Variants in PPARGC1A observed in about 807,000 individuals in gnomAD.
PPARGC1A encodes PPARG coactivator 1 alpha.
Under a neutral mutation model 88.7 loss-of-function variants are expected in PPARGC1A, and 25 were observed. The observed-to-expected ratio is 0.28, with a 90% CI of 0.21 to 0.39. The LOEUF is 0.39. Ranked by LOEUF, PPARGC1A falls within the 10% of genes least tolerant of loss-of-function variation. The probability of loss-of-function intolerance (pLI) is 1.00; values close to 1 mark genes in which losing one functional copy is unlikely to be tolerated. For missense variants in PPARGC1A, 880 were observed against 968.7 expected (o/e 0.91, Z 1.22); for synonymous variants, 363 against 355.6 (o/e 1.02, Z -0.24).
chr4:24,451,971 T>C, the PPARGC1A span, among the ~76,000 whole-genome samples: 1 of 152,196 alleles, frequency 6.6e-6, no homozygotes, highest in African/African-American at 2.4e-5. Context: ...GTGTTTTTTG[T>C]ACGAGATTTA....
the PPARGC1A span, among the ~76,000 whole-genome samples, chr4:23,952,016 AC>A: frequency 0.017 from 2,553 of 152,132 alleles, 67 homozygotes; most frequent in African/African-American, 0.059. Flanking sequence ...TGCGTGGGAC[AC>A]CCTGGCCCAC....
At chr4:24,351,355 C>G in the PPARGC1A span, among the ~76,000 whole-genome samples, 10 of 150,310 alleles carry the variant, frequency 6.7e-5, no homozygotes, top group African/African-American at 2.5e-4. Flanking sequence ...TGTGATCACA[C>G]CACTGTTCCA....
the PPARGC1A span, among the ~76,000 whole-genome samples, chr4:24,307,802 G>A: frequency 1.3e-5 from 2 of 152,130 alleles, no homozygotes; most frequent in Middle Eastern, 3.4e-3. Flanking sequence ...TTCTAGTCCC[G>A]GCTTTTTCCA....
upstream of PPARGC1A, chr4:23,904,007 T>C (rs1719742406): frequency 7.2e-6 from 7 of 968,446 alleles, no homozygotes; most frequent in Non-Finnish European, 1.2e-6. Flanking sequence ...CAAAATTGAA[T>C]CCATAGATGA....
chr4:23,946,587 T>C, the PPARGC1A span, among the ~76,000 whole-genome samples: 1 of 152,012 alleles, frequency 6.6e-6, no homozygotes, highest in South Asian at 2.1e-4. Flanking sequence ...AGTAGAATAA[T>C]ATTAGTAGGA....
At chr4:24,364,718 T>C in the PPARGC1A span, among the ~76,000 whole-genome samples, 3 of 152,208 alleles carry the variant, frequency 2.0e-5, no homozygotes, top group Non-Finnish European at 2.9e-5. Context: ...AATATACATA[T>C]GTATTTGTGT....
At chr4:24,275,379 C>G in the PPARGC1A span, among the ~76,000 whole-genome samples, 1 of 152,116 alleles carries the variant, frequency 6.6e-6, no homozygotes, top group South Asian at 2.1e-4. Context: ...ATTATGACGC[C>G]TATTACAGAA....
rs550243415 is a variant in PPARGC1A, at chr4:23,895,936, ATGTGTGTGTGTG to A, written n.52+3319_52+3330del. Among the ~76,000 whole-genome samples the A allele has an allele frequency of 2.3e-4, 30 of 130,714 alleles. No homozygotes were observed. The Middle Eastern group carries it at 0.012, about 51-fold the overall frequency. The allele number at this position is 130,714 out of a possible 152,430, so 85.8% of individuals were successfully genotyped here. On this transcript the variant is annotated intron_variant and non_coding_transcript_variant, in intron 1 of 3. Transcript: ENST00000507342. Reference sequence around the variant, plus strand: ...TGACCTGGTTCAATAAATTATAGAGATGTGTGTGTGTGTGTGTGTGTGTGTGTGTGTGTGTGT... The same window carrying A: ...TGACCTGGTTCAATAAATTATAGAGATGTGTGTGTGTGTGTGTGTGTGTGT...
the PPARGC1A span, among the ~76,000 whole-genome samples, chr4:24,122,801 G>A: frequency 6.6e-6 from 1 of 152,102 alleles, no homozygotes; most frequent in African/African-American, 2.4e-5. Flanking sequence ...TGATTAAGAG[G>A]AATTAACCAG....
chr4:23,795,633 G>A lies in PPARGC1A; in HGVS notation c.*189C>T. The A allele has an allele frequency of 3.7e-6, 2 of 539,500 alleles. No individual in the cohort carries two copies. The highest frequency in any genetic ancestry group is 6.5e-6 in the Non-Finnish European group (2 of 306,444). The allele number at this position is 539,500 out of a possible 1,614,324, so 33.4% of individuals were successfully genotyped here. ...TGTCTCTTGCCTCTTCAGCAGCTGT[G>A]TTCATGTAAACCATTGTTGTTATTG... On this transcript the variant is annotated 3_prime_UTR_variant, in exon 13 of 13. Coordinates refer to ENST00000264867, the MANE Select transcript of PPARGC1A (RefSeq NM_013261.5).
the PPARGC1A span, among the ~76,000 whole-genome samples, chr4:24,429,120 T>C: frequency 6.6e-6 from 1 of 152,026 alleles, no homozygotes; most frequent in Non-Finnish European, 1.5e-5. Flanking sequence ...CTGGGCGAGG[T>C]AGTAAATACA....
the PPARGC1A span, among the ~76,000 whole-genome samples, chr4:24,200,740 GGCATTT>G: frequency 1.3e-5 from 2 of 150,776 alleles, no homozygotes; most frequent in Non-Finnish European, 2.9e-5. Flanking sequence ...GTGTTTCTTA[GGCATTT>G]GCATTTGCTA....
At chr4:24,354,068 C>G in the PPARGC1A span, among the ~76,000 whole-genome samples, 1 of 152,146 alleles carries the variant, frequency 6.6e-6, no homozygotes, top group Non-Finnish European at 1.5e-5. Flanking sequence ...CCTGGAGGCT[C>G]TAATGGAGAG....
chr4:24,445,937 T>A, the PPARGC1A span, among the ~76,000 whole-genome samples: 1 of 152,002 alleles, frequency 6.6e-6, no homozygotes, highest in East Asian at 1.9e-4. Flanking sequence ...TGTGGGGGCA[T>A]GTGCTGTAGT....
chr4:24,308,297 A>T, the PPARGC1A span, among the ~76,000 whole-genome samples: 1 of 135,640 alleles, frequency 7.4e-6, no homozygotes, highest in African/African-American at 2.9e-5. Flanking sequence ...GCCACCGAAA[A>T]AAAAAAAAAA....
At chr4:24,349,339 GCAGT>G in the PPARGC1A span, among the ~76,000 whole-genome samples, 1 of 152,184 alleles carries the variant, frequency 6.6e-6, no homozygotes, top group Non-Finnish European at 1.5e-5. Flanking sequence ...AGAGGGACCA[GCAGT>G]GGGCGGGGCC....
the PPARGC1A span, among the ~76,000 whole-genome samples, chr4:24,154,282 C>T: frequency 2.1e-3 from 320 of 152,314 alleles, 6 homozygotes; most frequent in Admixed American, 0.019. Flanking sequence ...TCCCAAGCCC[C>T]TGTTGGACAG....
At chr4:24,390,904 A>G in the PPARGC1A span, among the ~76,000 whole-genome samples, 1 of 152,058 alleles carries the variant, frequency 6.6e-6, no homozygotes, top group East Asian at 1.9e-4. Context: ...CAACTTAGGA[A>G]TGTAATTAAT....
intron 7 of PPARGC1A, among the ~76,000 whole-genome samples, chr4:23,821,136 T>C (rs900598314): frequency 6.6e-6 from 1 of 152,122 alleles, no homozygotes; most frequent in Non-Finnish European, 1.5e-5. Context: ...GCAAGTGCAA[T>C]GAAGCCTATT....
Sources: allele counts gnomAD v4.1 joint callset (sites outside exome capture counted in the v4.1 genomes callset), GRCh38; gene constraint gnomAD v4.1.1; transcripts MANE v1.5; gene names NCBI Gene and HGNC (gene_info 2026-07-23, HGNC 2026-07-21).